NKAIN2: variants seen among roughly 807,000 people sequenced by gnomAD.
The protein encoded by NKAIN2 is sodium/potassium transporting ATPase interacting 2.
A neutral mutation model predicts 32.6 loss-of-function variants in NKAIN2; 14 were observed. The observed-to-expected ratio is 0.43, with a 90% confidence interval of 0.28 to 0.67. The LOEUF (loss-of-function observed/expected upper bound fraction) is 0.67, where lower values mean the gene tolerates loss of function less well. Ranked by LOEUF, NKAIN2 falls within the 30% of genes least tolerant of loss-of-function variation. NKAIN2 has a pLI of 0.17. For synonymous variants in NKAIN2, 80 were observed against 87.2 expected (o/e 0.92, Z 0.46); for missense variants, 198 against 258.3 (o/e 0.77, Z 1.60).
chr6:124,226,422 G>T (rs1792112802), intron 1 of NKAIN2, among the ~76,000 whole-genome samples: 1 of 151,874 alleles, frequency 6.6e-6, no homozygotes, highest in African/African-American at 2.4e-5. Context: ...ACTTTTTGCT[G>T]TTGCCTCAGA....
At chr6:124,399,689 C>T (rs1300950220) in intron 3 of NKAIN2, among the ~76,000 whole-genome samples, 1 of 152,176 alleles carries the variant, frequency 6.6e-6, no homozygotes, top group Non-Finnish European at 1.5e-5. Context: ...CCAACAAACA[C>T]AGATTCCTTA....
At chr6:123,831,527 CTTTA>C (rs2114913662) in intron 1 of NKAIN2, among the ~76,000 whole-genome samples, 2 of 148,388 alleles carry the variant, frequency 1.3e-5, no homozygotes, top group African/African-American at 5.0e-5. Flanking sequence ...TTATTAAAGA[CTTTA>C]TTTTTTACAG....
intron 4 of NKAIN2, among the ~76,000 whole-genome samples, chr6:124,757,509 C>T (rs1025273593): frequency 6.6e-6 from 1 of 152,134 alleles, no homozygotes; most frequent in African/African-American, 2.4e-5. Flanking sequence ...CAGATACCTG[C>T]ACTTATGAAG....
In NKAIN2 at chr6:124,399,771, C is replaced by T. The variant is rs76856632; in HGVS notation, c.273+44424C>T. On this transcript the variant is annotated intron_variant, in intron 3 of 6. Transcript: ENST00000368417. ...AGTATTAGGTACAATTAATGGTTTC[C>T]GCTTTATAAAAATTGTTCCTGACAA... Among the ~76,000 whole-genome samples the T allele has an allele frequency of 7.5e-3, 1,145 of 152,194 alleles. 13 individuals are homozygous for T. The highest frequency in any genetic ancestry group is 0.037 in the Middle Eastern group (11 of 294).
chr6:124,292,518 C>G (rs1393872345), intron 2 of NKAIN2, among the ~76,000 whole-genome samples: 1 of 149,606 alleles, frequency 6.7e-6, no homozygotes, highest in South Asian at 2.1e-4. Context: ...TCCTTTTTAA[C>G]AATGAGAGCT....
intron 1 of NKAIN2, among the ~76,000 whole-genome samples, chr6:124,259,926 C>T (rs1456443756): frequency 6.6e-6 from 1 of 152,122 alleles, no homozygotes; most frequent in Non-Finnish European, 1.5e-5. Context: ...TTTCTGCTTT[C>T]TGACAAAGTA....
intron 3 of NKAIN2, among the ~76,000 whole-genome samples, chr6:124,617,895 G>A (rs534125549): frequency 7.2e-5 from 11 of 152,164 alleles, no homozygotes; most frequent in East Asian, 3.9e-4. Flanking sequence ...AATCTAGACC[G>A]TCAAAGATAG....
intron 3 of NKAIN2, among the ~76,000 whole-genome samples, chr6:124,648,684 T>G (rs1784263233): frequency 6.6e-6 from 1 of 152,140 alleles, no homozygotes; most frequent in Non-Finnish European, 1.5e-5. Flanking sequence ...AAAAAGGCAT[T>G]AAATGATCCT....
At chr6:124,128,132 G>A (rs1028163070) in intron 1 of NKAIN2, among the ~76,000 whole-genome samples, 2 of 152,048 alleles carry the variant, frequency 1.3e-5, no homozygotes, top group African/African-American at 4.8e-5. Context: ...CCTGGCCCAT[G>A]GTTGCTATTT....
chr6:124,436,959 C>T (rs1041404458), intron 3 of NKAIN2, among the ~76,000 whole-genome samples: 1 of 152,136 alleles, frequency 6.6e-6, no homozygotes, highest in Non-Finnish European at 1.5e-5. Flanking sequence ...TGCTTTTAGC[C>T]ACCCTGGCTT....
intron 4 of NKAIN2, among the ~76,000 whole-genome samples, chr6:124,687,318 T>A (rs1030827589): frequency 1.4e-5 from 2 of 142,028 alleles, no homozygotes; most frequent in African/African-American, 5.1e-5. Context: ...AATATATATG[T>A]AATATATATA....
intron 1 of NKAIN2, among the ~76,000 whole-genome samples, chr6:124,166,368 G>GT (rs1788542494): frequency 2.0e-5 from 3 of 151,892 alleles, no homozygotes; most frequent in Non-Finnish European, 2.9e-5. Context: ...GGGGTTGTTT[G>GT]TTTTTTTCTT....
intron 1 of NKAIN2, among the ~76,000 whole-genome samples, chr6:124,274,306 A>G (rs754589275): frequency 3.3e-5 from 5 of 152,180 alleles, no homozygotes; most frequent in African/African-American, 1.2e-4. Context: ...TGGTTATTTT[A>G]TAAGGTCATC....
chr6:124,311,778 G>C (rs1796729248), intron 2 of NKAIN2, among the ~76,000 whole-genome samples: 1 of 152,162 alleles, frequency 6.6e-6, no homozygotes, highest in African/African-American at 2.4e-5. Context: ...CCTGGTTGCA[G>C]AAAAGAGACC....
chr6:124,540,232 C>T (rs1353515825), intron 3 of NKAIN2, among the ~76,000 whole-genome samples: 2 of 152,140 alleles, frequency 1.3e-5, no homozygotes, highest in Non-Finnish European at 1.5e-5. Flanking sequence ...AAATTTCAAA[C>T]AAATTCTCTA....
At chr6:124,289,492 A>G (rs530216194) in intron 2 of NKAIN2, among the ~76,000 whole-genome samples, 6 of 152,300 alleles carry the variant, frequency 3.9e-5, no homozygotes, top group Non-Finnish European at 5.9e-5. Context: ...GACAGGATTC[A>G]TTTTGTAAAA....
intron 3 of NKAIN2, among the ~76,000 whole-genome samples, chr6:124,653,143 T>C (rs1260034011): frequency 2.6e-5 from 4 of 152,154 alleles, no homozygotes; most frequent in African/African-American, 9.7e-5. Flanking sequence ...GTTGGCAAAC[T>C]GATTCTAAAG....
intron 4 of NKAIN2, among the ~76,000 whole-genome samples, chr6:124,681,969 C>T (rs1773645994): frequency 6.6e-6 from 1 of 151,836 alleles, no homozygotes; most frequent in African/African-American, 2.4e-5. Context: ...GAAAATATTA[C>T]AGGAAAGGCA....
At chr6:124,243,850 T>G (rs573898769) in intron 1 of NKAIN2, among the ~76,000 whole-genome samples, 1 of 152,244 alleles carries the variant, frequency 6.6e-6, no homozygotes, top group South Asian at 2.1e-4. Context: ...CAGGAAATAT[T>G]ACAATCACAT....
Sources: gnomAD v4.1 joint callset for allele counts (sites outside exome capture counted in the v4.1 genomes callset) on GRCh38, gnomAD v4.1.1 for gene constraint, MANE v1.5 for transcripts, NCBI Gene and HGNC (gene_info 2026-07-23, HGNC 2026-07-21) for gene names.